ZNRF3: variants seen among roughly 807,000 people sequenced by gnomAD.
ZNRF3 encodes E3 ubiquitin-protein ligase ZNRF3.
Under a neutral mutation model 72.5 loss-of-function variants are expected in ZNRF3, and 23 were observed. The observed-to-expected ratio is 0.32, with a 90% CI of 0.23 to 0.45. The LOEUF is 0.45. Ranked by LOEUF, ZNRF3 falls within the 20% of genes least tolerant of loss-of-function variation. The probability of loss-of-function intolerance (pLI) is 1.00; values close to 1 mark genes in which losing one functional copy is unlikely to be tolerated. For synonymous variants in ZNRF3, 610 were observed against 545.3 expected, an observed-to-expected ratio of 1.12 and a Z score of -1.65; for missense variants, 1,169 against 1,272.1, an observed-to-expected ratio of 0.92 and a Z score of 1.23.
intron 1 of ZNRF3, among the ~76,000 whole-genome samples, chr22:28,969,405 CTG>C (rs1252317892): frequency 6.6e-6 from 1 of 151,982 alleles, no homozygotes; most frequent in Admixed American, 6.6e-5. Flanking sequence ...GGGAGGGAAA[CTG>C]AATCAAAAAT....
chr22:28,887,276 A>G (rs530663698), intron 1 of ZNRF3, among the ~76,000 whole-genome samples: 1 of 151,268 alleles, frequency 6.6e-6, no homozygotes, highest in South Asian at 2.1e-4. Context: ...GTGTGTATAC[A>G]TATATTTGTA....
chr22:29,015,788 C>T (rs947155002), intron 2 of ZNRF3, among the ~76,000 whole-genome samples: 13 of 151,232 alleles, frequency 8.6e-5, no homozygotes, highest in African/African-American at 2.9e-4. Flanking sequence ...GAGGCCGAGG[C>T]GGGTGGATCA....
chr22:28,975,653 C>T (rs1312684120), intron 1 of ZNRF3, among the ~76,000 whole-genome samples: 1 of 152,098 alleles, frequency 6.6e-6, no homozygotes, highest in Admixed American at 6.6e-5. Flanking sequence ...AGGAGAATCG[C>T]TTGAACCTGG....
chr22:28,982,706 G>T (rs1041542725), intron 1 of ZNRF3, among the ~76,000 whole-genome samples: 1 of 151,998 alleles, frequency 6.6e-6, no homozygotes, highest in Admixed American at 6.6e-5. Flanking sequence ...TCCATCCTTG[G>T]GACAGGTCAG....
intron 1 of ZNRF3, among the ~76,000 whole-genome samples, chr22:28,970,179 A>C (rs1382557049): frequency 6.6e-6 from 1 of 152,226 alleles, no homozygotes; most frequent in South Asian, 2.1e-4. Flanking sequence ...AAATTCAATA[A>C]GTACACAACC....
intron 3 of ZNRF3, 33 bp downstream of exon 3, chr22:29,042,602 C>G: frequency 6.2e-7 from 1 of 1,601,364 alleles, no homozygotes; most frequent in Non-Finnish European, 8.5e-7. Context: ...ACACTGCAGC[C>G]TCCCTGAGAA....
chr22:28,941,747 C>A (rs538090565), intron 1 of ZNRF3, among the ~76,000 whole-genome samples: 4 of 152,026 alleles, frequency 2.6e-5, no homozygotes, highest in Admixed American at 2.6e-4. Flanking sequence ...CCTGTCTCTA[C>A]TAAAAATACA....
intron 1 of ZNRF3, among the ~76,000 whole-genome samples, chr22:28,895,353 C>T (rs1197828989): frequency 6.6e-6 from 1 of 152,208 alleles, no homozygotes; most frequent in Non-Finnish European, 1.5e-5. Context: ...AACTCTGAGA[C>T]TTAATTGTTT....
chr22:28,927,592 T>C (rs1461951962), intron 1 of ZNRF3, among the ~76,000 whole-genome samples: 1 of 152,212 alleles, frequency 6.6e-6, no homozygotes, highest in African/African-American at 2.4e-5. Flanking sequence ...ATTCTGTGTG[T>C]GTTTGTATGT....
At chr22:28,895,060 A>AGCT (rs1204925931) in intron 1 of ZNRF3, among the ~76,000 whole-genome samples, 2 of 152,128 alleles carry the variant, frequency 1.3e-5, no homozygotes, top group African/African-American at 4.8e-5. Context: ...TAGACACTGT[A>AGCT]GCTGGCCATC....
chr22:28,997,766 CT>C (rs2036069141), intron 2 of ZNRF3, among the ~76,000 whole-genome samples: 1 of 151,920 alleles, frequency 6.6e-6, no homozygotes, highest in Admixed American at 6.6e-5. Context: ...AATCCCAGCA[CT>C]TTGGGAGGCG....
chr22:28,916,182 C>T (rs2034404579), intron 1 of ZNRF3, among the ~76,000 whole-genome samples: 1 of 152,136 alleles, frequency 6.6e-6, no homozygotes, highest in Non-Finnish European at 1.5e-5. Flanking sequence ...CCACCTTAGC[C>T]TCCCGAGTAG....
intron 1 of ZNRF3, among the ~76,000 whole-genome samples, chr22:28,967,152 G>C (rs1001464138): frequency 1.4e-4 from 22 of 152,196 alleles, no homozygotes; most frequent in Non-Finnish European, 2.9e-4. Flanking sequence ...AGAGTGCTGG[G>C]ATTACAGGCG....
Position 29,053,704 on chromosome 22 carries a change from A to T in ZNRF3, c.*82A>T, listed in dbSNP as rs886897688. ...TTCTTTCAAAAAACAAAAACAAAAA[A>T]TTTTTTTAGCTTTGACAAACACACA... On this transcript the variant is annotated 3_prime_UTR_variant, in exon 9 of 9. Transcript: ENST00000544604. The T allele has an allele frequency of 2.7e-5, 39 of 1,435,872 alleles. No homozygotes were observed. Among genetic ancestry groups the T allele is most frequent in the South Asian group, 3.9e-5 (3 of 76,452 alleles). 88.9% of individuals were successfully genotyped at this position (1,435,872 alleles called of 1,614,324 possible). A position where few individuals can be genotyped will look rare whatever the true frequency, so the allele number is the denominator to read the frequency against.
Position 28,887,229 on chromosome 22 carries a change from AGAGAGAGTGTGT to A in ZNRF3, c.300+3165_300+3176del, listed in dbSNP as rs1202869041. On this transcript the variant is annotated intron_variant, in intron 1 of 8. Transcript: ENST00000544604. Reference sequence around the variant, plus strand: ...TTATTATATGCCAACGAAGAGAGAGAGAGAGAGTGTGTGTGTGTGTGTGTGTGTGTGTGTGTG... The same window carrying A: ...TTATTATATGCCAACGAAGAGAGAGAGTGTGTGTGTGTGTGTGTGTGTGTG... Among the ~76,000 whole-genome samples, 204 of 139,154 alleles carry A rather than the reference AGAGAGAGTGTGT, an allele frequency of 1.5e-3. 2 individuals are homozygous for A. Among genetic ancestry groups the A allele is most frequent in the African/African-American group, 4.5e-3 (169 of 37,460 alleles). 91.3% of individuals were successfully genotyped at this position (139,154 alleles called of 152,430 possible). A position where few individuals can be genotyped will look rare whatever the true frequency, so the allele number is the denominator to read the frequency against.
At chr22:28,928,619 G>A (rs569047548) in intron 1 of ZNRF3, among the ~76,000 whole-genome samples, 10 of 149,824 alleles carry the variant, frequency 6.7e-5, no homozygotes, top group African/African-American at 2.2e-4. Context: ...TCAGCCTCCC[G>A]AGTAGCTGGG....
chr22:28,956,969 C>T (rs1247181213), intron 1 of ZNRF3, among the ~76,000 whole-genome samples: 1 of 152,158 alleles, frequency 6.6e-6, no homozygotes, highest in Non-Finnish European at 1.5e-5. Flanking sequence ...GCTGGCCTAG[C>T]ATATCTTGAT....
chr22:29,001,894 TTACTG>T (rs2036156138), intron 2 of ZNRF3, among the ~76,000 whole-genome samples: 1 of 152,240 alleles, frequency 6.6e-6, no homozygotes, highest in Non-Finnish European at 1.5e-5. Flanking sequence ...CCAGTTGTCC[TTACTG>T]TAGTATTTTA....
chr22:29,033,967 G>A (rs8140401), intron 2 of ZNRF3, among the ~76,000 whole-genome samples: 8,574 of 152,284 alleles, frequency 0.056, 365 homozygotes, highest in Admixed American at 0.13. Flanking sequence ...GAATGCTAAT[G>A]TCAAGTCCTG....
Sources: gnomAD v4.1 joint callset for allele counts (sites outside exome capture counted in the v4.1 genomes callset) on GRCh38, gnomAD v4.1.1 for gene constraint, MANE v1.5 for transcripts, NCBI Gene and HGNC (gene_info 2026-07-23, HGNC 2026-07-21) for gene names.